The following NOCT variants were observed in gnomAD, a reference collection of about 807,000 sequenced individuals.
The protein encoded by NOCT is CCR4 carbon catabolite repression 4-like.
NOCT carries 18 observed loss-of-function variants against 35.0 expected under a neutral mutation model. That is an observed-to-expected ratio of 0.51 (90% CI 0.36 to 0.76). The LOEUF is 0.76. Ranked by LOEUF, NOCT falls within the 30% of genes least tolerant of loss-of-function variation. NOCT has a pLI of 0.01. For synonymous variants in NOCT, 235 were observed against 226.3 expected, an observed-to-expected ratio of 1.04 and a Z score of -0.34; for missense variants, 479 against 541.0, an observed-to-expected ratio of 0.89 and a Z score of 1.14.
chr4:139,017,225 CTTTT>C (rs547505786), intron 1 of NOCT, among the ~76,000 whole-genome samples: 6 of 122,830 alleles, frequency 4.9e-5, no homozygotes, highest in Middle Eastern at 4.9e-3. Context: ...CAATACATAA[CTTTT>C]TTTTTTTTTT....
chr4:139,028,665 C>T (rs552615016), intron 1 of NOCT, among the ~76,000 whole-genome samples: 4 of 152,206 alleles, frequency 2.6e-5, no homozygotes, highest in South Asian at 2.1e-4. Context: ...GAGATGCTGA[C>T]GAGCAGCAGT....
At chr4:139,026,153 G>C (rs1022394148) in intron 1 of NOCT, among the ~76,000 whole-genome samples, 2 of 152,136 alleles carry the variant, frequency 1.3e-5, no homozygotes, top group African/African-American at 4.8e-5. Flanking sequence ...CCAGGCTGGA[G>C]TGCAGTGGCG....
chr4:139,016,119 G>C lies in NOCT; in HGVS notation c.138G>C (p.Leu46=). ...AAVPRPASPR[L]LAAASAASGA... ...TTCCCAGGCCCGCATCCCCCCGGCT[G>C]CTGGCGGCGGCCTCGGCGGCCTCGG... Residue 46 remains leucine, a synonymous_variant, in exon 1 of 3, where the codon CTG becomes CTC. Transcript: ENST00000280614. 1 of 1,305,308 alleles carries C rather than the reference G, an allele frequency of 7.7e-7. No homozygotes were observed. Among genetic ancestry groups the C allele is most frequent in the Non-Finnish European group, 9.7e-7 (1 of 1,027,624 alleles). The allele number at this position is 1,305,308 out of a possible 1,614,324, so 80.9% of individuals were successfully genotyped here.
At chr4:139,032,264 G>T (rs1202709009) in intron 1 of NOCT, among the ~76,000 whole-genome samples, 1 of 152,160 alleles carries the variant, frequency 6.6e-6, no homozygotes, top group African/African-American at 2.4e-5. Flanking sequence ...AGTGGCAGGG[G>T]GATGGGGTGA....
chr4:139,045,137 T>C lies in NOCT; in HGVS notation c.959T>C (p.Ile320Thr), dbSNP rs1335784827. Residue 320 changes from isoleucine to threonine, a missense_variant, in exon 3 of 3, where the codon ATT becomes ACT. By Grantham distance (89) the Ile-to-Thr change is moderately conservative. Transcript: ENST00000280614. ...ACCCAAGGAGCCAAGATTCCCCTTA[T>C]TGTGTGTGGGGACTTCAATGCAGAG... Reference protein sequence around the residue: ...NITQGAKIPLIVCGDFNAEPT... With the variant: ...NITQGAKIPLTVCGDFNAEPT... 1.9e-6 allele frequency: 3 copies of C among 1,614,174 alleles called. No individual in the cohort carries two copies. The highest frequency in any genetic ancestry group is 1.1e-5 in the South Asian group (1 of 91,088).
intron 1 of NOCT, among the ~76,000 whole-genome samples, chr4:139,034,640 C>T (rs1158237743): frequency 6.6e-6 from 1 of 151,758 alleles, no homozygotes; most frequent in Non-Finnish European, 1.5e-5. Context: ...GCGTGTCTCA[C>T]AGTTCACTGC....
At chr4:139,038,617 C>T (rs559866811) in intron 1 of NOCT, among the ~76,000 whole-genome samples, 62 of 152,134 alleles carry the variant, frequency 4.1e-4, no homozygotes, top group Non-Finnish European at 8.1e-4. Context: ...AGTGCCAGTA[C>T]CACCACTACT....
At chr4:139,040,331 C>T (rs891572215) in intron 1 of NOCT, among the ~76,000 whole-genome samples, 2 of 152,072 alleles carry the variant, frequency 1.3e-5, no homozygotes, top group Non-Finnish European at 1.5e-5. Flanking sequence ...TGAGACACCG[C>T]GCCCAGCCTT....
intron 1 of NOCT, among the ~76,000 whole-genome samples, chr4:139,017,625 T>G (rs1193572364): frequency 6.6e-6 from 1 of 150,398 alleles, no homozygotes; most frequent in Non-Finnish European, 1.5e-5. Flanking sequence ...AGGTCAGGAG[T>G]TCGTGACCAT....
At position 139,044,933 on chromosome 4, in the gene NOCT, A is replaced by G; in HGVS notation, c.755A>G (p.Asn252Ser). The G allele has an allele frequency of 3.7e-6, 6 of 1,614,200 alleles. No homozygotes were observed. The highest frequency in any genetic ancestry group is 1.6e-4 in the Middle Eastern group (1 of 6,062). Reference sequence around the variant, plus strand: ...CGATTCAAGCTAGTCAACAGTGCCAATATTAGGCTGACAGCCATGACATTG... The same window carrying G: ...CGATTCAAGCTAGTCAACAGTGCCAGTATTAGGCTGACAGCCATGACATTG... ...QNRFKLVNSA[N>S]IRLTAMTLKT... Residue 252 changes from asparagine to serine, a missense_variant, in exon 3 of 3, where the codon AAT becomes AGT. Asn to Ser is a conservative substitution (Grantham distance 46). Around this residue, in one of 2 missense-constraint regions of NOCT, gnomAD observed 214 missense variants for 284.0 expected, o/e 0.75. Transcript: ENST00000280614.
At chr4:139,029,028 G>A (rs779712524) in intron 1 of NOCT, among the ~76,000 whole-genome samples, 13 of 150,764 alleles carry the variant, frequency 8.6e-5, no homozygotes, top group East Asian at 1.9e-4. Context: ...TAATAGAGAC[G>A]TGGTTTCACC....
At position 139,015,990 on chromosome 4, in the gene NOCT, T is replaced by C. The variant is rs1726288119; in HGVS notation, c.9T>C (p.His3=). The part of the protein sequence containing the change: MF[H]SPRRLCSALL... ...TGGCGGCGGCGCCCGGCATGTTTCA[T>C]AGTCCGCGGCGGCTCTGCTCGGCCC... Residue 3 remains histidine, a synonymous_variant, in exon 1 of 3, where the codon CAT becomes CAC. Coordinates refer to ENST00000280614, the MANE Select transcript of NOCT (RefSeq NM_012118.4). The C allele has an allele frequency of 2.2e-6, 3 of 1,374,674 alleles. No homozygotes were observed. Among genetic ancestry groups the C allele is most frequent in the Admixed American group, 6.6e-5 (2 of 30,370 alleles). 85.2% of individuals were successfully genotyped at this position (1,374,674 alleles called of 1,614,324 possible). A position where few individuals can be genotyped will look rare whatever the true frequency, so the allele number is the denominator to read the frequency against.
intron 1 of NOCT, among the ~76,000 whole-genome samples, chr4:139,020,620 G>A (rs1289115418): frequency 6.6e-6 from 1 of 152,172 alleles, no homozygotes; most frequent in Non-Finnish European, 1.5e-5. Context: ...TTCCTGTGGA[G>A]AAGCCCGGTG....
At chr4:139,016,427 A>G (rs1419433035) in intron 1 of NOCT, among the ~76,000 whole-genome samples, 1 of 152,026 alleles carries the variant, frequency 6.6e-6, no homozygotes, top group Non-Finnish European at 1.5e-5. Flanking sequence ...CTTAGAGGCC[A>G]TGCTTTCAGA....
chr4:139,025,984 A>G (rs922338978), intron 1 of NOCT, among the ~76,000 whole-genome samples: 1 of 152,208 alleles, frequency 6.6e-6, no homozygotes, highest in African/African-American at 2.4e-5. Flanking sequence ...GGGAATTTGT[A>G]TATGAAAATT....
At chr4:139,023,782 T>C (rs1726464163) in intron 1 of NOCT, among the ~76,000 whole-genome samples, 2 of 152,130 alleles carry the variant, frequency 1.3e-5, no homozygotes, top group South Asian at 4.1e-4. Flanking sequence ...ACAGGCACCA[T>C]GCCCGGCCTT....
In NOCT at chr4:139,016,022, A is replaced by G. The variant is rs1726288899; in HGVS notation, c.41A>G (p.Gln14Arg). 1 of 1,397,796 alleles carries G rather than the reference A, an allele frequency of 7.2e-7. No individual in the cohort carries two copies. The highest frequency in any genetic ancestry group is 1.5e-5 in the South Asian group (1 of 66,374). 86.6% of individuals were successfully genotyped at this position (1,397,796 alleles called of 1,614,324 possible). A position where few individuals can be genotyped will look rare whatever the true frequency, so the allele number is the denominator to read the frequency against. Residue 14 changes from glutamine (Q) to arginine (R), a missense_variant, in exon 1 of 3, where the codon CAG becomes CGG. Around this residue, in one of 2 missense-constraint regions of NOCT, gnomAD observed 265 missense variants for 257.0 expected, o/e 1.03. Transcript: ENST00000280614. ...SPRRLCSALLQRDAPGLRRLP... is the reference protein window; with the variant it reads ...SPRRLCSALLRRDAPGLRRLP... ...CGGCGGCTCTGCTCGGCCCTGCTGC[A>G]GAGGGACGCGCCCGGCCTGCGCCGC...
intron 1 of NOCT, among the ~76,000 whole-genome samples, chr4:139,023,277 A>C (rs1010352711): frequency 7.2e-5 from 11 of 152,150 alleles, no homozygotes; most frequent in African/African-American, 2.7e-4. Flanking sequence ...CCGATCTGCA[A>C]ATATGCTTGT....
intron 1 of NOCT, among the ~76,000 whole-genome samples, chr4:139,039,726 C>G (rs1220054162): frequency 6.6e-6 from 1 of 151,768 alleles, no homozygotes; most frequent in African/African-American, 2.4e-5. Context: ...TGTCTTGTAT[C>G]TTTTTGTTTT....
Sources: gnomAD v4.1 joint callset for allele counts (sites outside exome capture counted in the v4.1 genomes callset) on GRCh38, gnomAD v4.1.1 for gene constraint, gnomAD v4.1.1 regional missense constraint, MANE v1.5 for transcripts, NCBI Gene and HGNC (gene_info 2026-07-23, HGNC 2026-07-21) for gene names.